The following RAI14 variants were observed in gnomAD, a reference collection of about 807,000 sequenced individuals.
The protein encoded by RAI14 is retinoic acid induced 14.
Under a neutral mutation model 115.4 loss-of-function variants are expected in RAI14, and 45 were observed. The ratio of observed to expected loss-of-function variants is 0.39; its 90% CI spans 0.31 to 0.50. The LOEUF is 0.50. RAI14 is among the 20% of genes least tolerant of loss of function. RAI14 has a pLI of 0.85. For missense variants in RAI14, 939 were observed against 1,131.2 expected (o/e 0.83, Z 2.44); for synonymous variants, 371 against 415.4 (o/e 0.89, Z 1.30).
intron 2 of RAI14, among the ~76,000 whole-genome samples, chr5:34,740,163 G>A (rs1313729228): frequency 1.3e-5 from 2 of 152,230 alleles, no homozygotes; most frequent in African/African-American, 4.8e-5. Context: ...ATAAGAAGTT[G>A]TGTATAGGAT....
At chr5:34,710,524 C>T (rs1741267708) in intron 2 of RAI14, among the ~76,000 whole-genome samples, 1 of 152,134 alleles carries the variant, frequency 6.6e-6, no homozygotes, top group African/African-American at 2.4e-5. Flanking sequence ...ACTCTAGGGC[C>T]CTTAGCCTCA....
At chr5:34,699,471 C>G (rs1198118631) in intron 2 of RAI14, among the ~76,000 whole-genome samples, 1 of 152,198 alleles carries the variant, frequency 6.6e-6, no homozygotes, top group East Asian at 1.9e-4. Flanking sequence ...ATCCTGATCT[C>G]TGCCTCATCT....
chr5:34,711,308 A>G (rs1741371171), intron 2 of RAI14, among the ~76,000 whole-genome samples: 2 of 151,010 alleles, frequency 1.3e-5, no homozygotes, highest in South Asian at 4.2e-4. Flanking sequence ...TTTTGCCGGC[A>G]GGGGGTGGAT....
At chr5:34,812,294 AG>A (rs1755697051) in intron 10 of RAI14, 86 bp downstream of exon 10, 1 of 1,160,618 alleles carries the variant, frequency 8.6e-7, no homozygotes, top group Non-Finnish European at 1.3e-6. Flanking sequence ...CTGGTCCACT[AG>A]TAAAGTAATA....
At chr5:34,718,440 G>A (rs1346677131) in intron 2 of RAI14, among the ~76,000 whole-genome samples, 2 of 152,356 alleles carry the variant, frequency 1.3e-5, no homozygotes, top group African/African-American at 2.4e-5. Context: ...ACATAATGGT[G>A]AGATCAAAAT....
intron 1 of RAI14, among the ~76,000 whole-genome samples, chr5:34,659,297 TC>T (rs1209020707): frequency 7.9e-5 from 12 of 152,226 alleles, no homozygotes; most frequent in Non-Finnish European, 1.8e-4. Flanking sequence ...AGCTGCGGTC[TC>T]GCTCTGTCAC....
chr5:34,734,239 A>G (rs1306557731), intron 2 of RAI14, among the ~76,000 whole-genome samples: 1 of 152,196 alleles, frequency 6.6e-6, no homozygotes, highest in Non-Finnish European at 1.5e-5. Context: ...GGGTGGGGTC[A>G]GTGAACTGGG....
At chr5:34,809,368 C>T (rs60347952) in intron 7 of RAI14, among the ~76,000 whole-genome samples, 11,059 of 152,198 alleles carry the variant, frequency 0.073, 556 homozygotes, top group African/African-American at 0.14. Context: ...AATGTCAAAT[C>T]CTAGAAAACG....
At chr5:34,737,810 A>G (rs1745053625) in intron 2 of RAI14, among the ~76,000 whole-genome samples, 1 of 152,152 alleles carries the variant, frequency 6.6e-6, no homozygotes, top group Non-Finnish European at 1.5e-5. Flanking sequence ...GGATTCCTCA[A>G]TCTGCTCTTT....
intron 4 of RAI14, among the ~76,000 whole-genome samples, chr5:34,799,311 G>T (rs1405827249): frequency 6.6e-6 from 1 of 152,174 alleles, no homozygotes; most frequent in Non-Finnish European, 1.5e-5. Context: ...GTTAGGGGAT[G>T]AATTAAATGG....
At chr5:34,661,934 T>C (rs759879736) in intron 1 of RAI14, among the ~76,000 whole-genome samples, 1 of 152,166 alleles carries the variant, frequency 6.6e-6, no homozygotes, top group African/African-American at 2.4e-5. Flanking sequence ...TACAGGCGCG[T>C]GCCAACACAC....
chr5:34,752,506 G>T (rs1361433658), intron 2 of RAI14, among the ~76,000 whole-genome samples: 7 of 151,860 alleles, frequency 4.6e-5, no homozygotes, highest in Non-Finnish European at 1.0e-4. Context: ...CGAGTGGATG[G>T]CCCCCAGGGA....
chr5:34,811,596 AC>A (rs1321677777), intron 8 of RAI14, among the ~76,000 whole-genome samples, 170 bp from the exon 9 acceptor site: 1 of 151,196 alleles, frequency 6.6e-6, no homozygotes, highest in East Asian at 1.9e-4. Context: ...AAAAAAAAAA[AC>A]CACCTAATTT....
intron 1 of RAI14, among the ~76,000 whole-genome samples, chr5:34,660,331 C>G (rs920057818): frequency 2.6e-5 from 4 of 152,188 alleles, no homozygotes; most frequent in African/African-American, 9.7e-5. Context: ...ACTCGGGAGG[C>G]TAAGGCAGAT....
chr5:34,769,192 A>G (rs918060225), intron 3 of RAI14, among the ~76,000 whole-genome samples: 4 of 152,086 alleles, frequency 2.6e-5, no homozygotes, highest in Admixed American at 2.6e-4. Context: ...CCTTTTGAGC[A>G]GGGAAAGGCA....
At chr5:34,742,192 G>A (rs1201319424) in intron 2 of RAI14, among the ~76,000 whole-genome samples, 5 of 152,176 alleles carry the variant, frequency 3.3e-5, no homozygotes, top group African/African-American at 9.6e-5. Flanking sequence ...AGGGGCTTAT[G>A]ACTCGGGGCT....
intron 5 of RAI14, among the ~76,000 whole-genome samples, chr5:34,805,698 G>A (rs1271515110): frequency 3.3e-5 from 5 of 151,966 alleles, no homozygotes; most frequent in African/African-American, 1.2e-4. Flanking sequence ...AAAATTAGCC[G>A]GGCGTGGTGG....
chr5:34,760,906 C>T (rs948427751), intron 3 of RAI14, among the ~76,000 whole-genome samples: 10 of 152,342 alleles, frequency 6.6e-5, no homozygotes, highest in African/African-American at 2.2e-4. Context: ...AACCTCCCCT[C>T]CCCTTCCTCT....
At chr5:34,709,646 C>G (rs775229101) in intron 2 of RAI14, among the ~76,000 whole-genome samples, 1 of 152,158 alleles carries the variant, frequency 6.6e-6, no homozygotes, top group Non-Finnish European at 1.5e-5. Flanking sequence ...TTAACATTAC[C>G]TGGGGAGCTT....
Sources: gnomAD v4.1 joint callset for allele counts (sites outside exome capture counted in the v4.1 genomes callset) on GRCh38, gnomAD v4.1.1 for gene constraint, MANE v1.5 for transcripts, NCBI Gene and HGNC (gene_info 2026-07-23, HGNC 2026-07-21) for gene names.